Variants in KDM4C observed in about 807,000 individuals in gnomAD.
KDM4C encodes lysine demethylase 4C, also known as lysine-specific demethylase 4C.
In KDM4C, 81 loss-of-function variants were observed where a neutral mutation model predicts 129.3. That is an observed-to-expected ratio of 0.63 (90% CI 0.52 to 0.75). The LOEUF is 0.75. KDM4C is among the 30% of genes least tolerant of loss of function. The pLI, the probability that KDM4C is intolerant of heterozygous loss-of-function variation, is 0.00. For synonymous variants in KDM4C, 573 were observed against 456.1 expected, an observed-to-expected ratio of 1.26 and a Z score of -3.26; for missense variants, 1,457 against 1,304.0, an observed-to-expected ratio of 1.12 and a Z score of -1.81.
intron 17 of KDM4C, among the ~76,000 whole-genome samples, chr9:7,071,712 C>G (rs1833219101): frequency 6.6e-6 from 1 of 152,066 alleles, no homozygotes; most frequent in Non-Finnish European, 1.5e-5. Context: ...CACAAAAGCC[C>G]TATGAGATTT....
intron 3 of KDM4C, among the ~76,000 whole-genome samples, chr9:6,813,316 ACCATGCCCATC>A (rs1831504692): frequency 6.6e-6 from 1 of 152,202 alleles, no homozygotes; most frequent in Admixed American, 6.5e-5. Flanking sequence ...GATTATAGCC[ACCATGCCCATC>A]CCATGCCCAT....
At chr9:7,040,889 TTGC>T (rs1347417944) in intron 15 of KDM4C, among the ~76,000 whole-genome samples, 3 of 151,984 alleles carry the variant, frequency 2.0e-5, no homozygotes, top group Non-Finnish European at 4.4e-5. Context: ...TGTTTAGAGT[TTGC>T]TGCAATTTTT....
chr9:6,985,731 C>G (rs144702433), intron 10 of KDM4C, among the ~76,000 whole-genome samples: 29 of 152,244 alleles, frequency 1.9e-4, no homozygotes, highest in African/African-American at 6.7e-4. Context: ...CTCTCTGTCG[C>G]CCAGGCTGGA....
chr9:6,733,711 G>A (rs985554993), intron 1 of KDM4C, among the ~76,000 whole-genome samples: 1 of 152,214 alleles, frequency 6.6e-6, no homozygotes, highest in Admixed American at 6.5e-5. Context: ...AGTTTGTTAA[G>A]AAAGTAAAGG....
intron 5 of KDM4C, among the ~76,000 whole-genome samples, chr9:6,854,344 G>T (rs1208315061): frequency 6.6e-6 from 1 of 151,920 alleles, no homozygotes; most frequent in African/African-American, 2.4e-5. Context: ...GCCTCAACAT[G>T]AAGAAACCCC....
intron 17 of KDM4C, among the ~76,000 whole-genome samples, chr9:7,058,140 C>T (rs1831125973): frequency 6.6e-6 from 1 of 152,154 alleles, no homozygotes; most frequent in Non-Finnish European, 1.5e-5. Context: ...TCTTTCAAAG[C>T]ACAGGGGCCA....
At position 6,986,875 on chromosome 9, in the gene KDM4C, T is replaced by C. The variant is rs1817809301; in HGVS notation, c.1677+209T>C. Reference sequence around the variant, plus strand: ...GTGATAATTTAGCACATGGAGCTTATGGCCACGTGTCGATGCTTGATTTTC... The same window carrying C: ...GTGATAATTTAGCACATGGAGCTTACGGCCACGTGTCGATGCTTGATTTTC... On this transcript the variant is annotated intron_variant, in intron 11 of 21. Coordinates refer to ENST00000381309, the MANE Select transcript of KDM4C (RefSeq NM_015061.6). 5 of 474,796 alleles carry C rather than the reference T, an allele frequency of 1.1e-5. No individual in the cohort carries two copies. The Admixed American group carries it at 1.5e-4, about 14-fold the overall frequency. 29.4% of individuals were successfully genotyped at this position (474,796 alleles called of 1,614,324 possible). A position where few individuals can be genotyped will look rare whatever the true frequency, so the allele number is the denominator to read the frequency against.
At chr9:6,832,636 A>G (rs1387205012) in intron 4 of KDM4C, among the ~76,000 whole-genome samples, 2 of 150,940 alleles carry the variant, frequency 1.3e-5, no homozygotes, top group Non-Finnish European at 1.5e-5. Flanking sequence ...CATGTTAGCC[A>G]GGATGGTCTC....
At chr9:6,922,763 C>T (rs1372124146) in intron 8 of KDM4C, among the ~76,000 whole-genome samples, 3 of 152,182 alleles carry the variant, frequency 2.0e-5, no homozygotes, top group African/African-American at 7.2e-5. Context: ...GAGAAATAAA[C>T]AGCCTTCCAA....
chr9:6,973,956 A>G lies in KDM4C; in HGVS notation c.922-6969A>G, dbSNP rs146780984. ...GCATTGTGAAACCTGTGAGACAGCTAGTTCTGTATTCAGACCCTTCAATTA... is the reference window on the plus strand; with the variant it reads ...GCATTGTGAAACCTGTGAGACAGCTGGTTCTGTATTCAGACCCTTCAATTA... On this transcript the variant is annotated intron_variant, in intron 8 of 21. Coordinates refer to ENST00000381309, the MANE Select transcript of KDM4C (RefSeq NM_015061.6). The G allele has an allele frequency of 4.6e-5, 7 of 152,328 alleles. No individual in the cohort carries two copies. The East Asian group carries it at 1.2e-3, about 25-fold the overall frequency. The allele number at this position is 152,328 out of a possible 1,614,324, so 9.4% of individuals were successfully genotyped here. A position where few individuals can be genotyped will look rare whatever the true frequency, so the allele number is the denominator to read the frequency against.
At chr9:6,921,570 A>C (rs994018154) in intron 8 of KDM4C, among the ~76,000 whole-genome samples, 1 of 152,172 alleles carries the variant, frequency 6.6e-6, no homozygotes, top group Non-Finnish European at 1.5e-5. Context: ...TCCAACCACT[A>C]TAAGTCATTG....
chr9:7,041,508 C>G (rs1210970673), intron 15 of KDM4C, among the ~76,000 whole-genome samples: 1 of 151,452 alleles, frequency 6.6e-6, no homozygotes, highest in Non-Finnish European at 1.5e-5. Flanking sequence ...TGAATGAAAT[C>G]AACATTTTGT....
chr9:7,161,637 G>C (rs7037878), intron 19 of KDM4C, among the ~76,000 whole-genome samples: 80,835 of 151,980 alleles, frequency 0.53, 22,291 homozygotes, highest in Non-Finnish European at 0.6. Context: ...CAGGCCTCAC[G>C]TGTGGGTGCA....
intron 5 of KDM4C, among the ~76,000 whole-genome samples, chr9:6,872,298 A>T (rs972711050): frequency 1.3e-5 from 2 of 152,136 alleles, no homozygotes; most frequent in South Asian, 4.1e-4. Flanking sequence ...GAGGTGGTAG[A>T]GTGGTTAGGA....
At chr9:6,877,070 A>C (rs1056588437) in intron 5 of KDM4C, among the ~76,000 whole-genome samples, 2 of 152,164 alleles carry the variant, frequency 1.3e-5, no homozygotes, top group Non-Finnish European at 2.9e-5. Context: ...TATGCTGGGT[A>C]CTTCATCCCT....
intron 4 of KDM4C, among the ~76,000 whole-genome samples, chr9:6,848,593 T>TG (rs1838278760): frequency 6.6e-6 from 1 of 151,972 alleles, no homozygotes; most frequent in African/African-American, 2.4e-5. Flanking sequence ...TGCTCGAACC[T>TG]GGGAGGTAGA....
chr9:6,849,152 G>C (rs1176294204), intron 4 of KDM4C, among the ~76,000 whole-genome samples: 2 of 152,184 alleles, frequency 1.3e-5, no homozygotes, highest in Non-Finnish European at 2.9e-5. Context: ...AAAAAGGTGT[G>C]CCAAGGAGGG....
At chr9:7,028,357 G>A (rs562952907) in intron 15 of KDM4C, among the ~76,000 whole-genome samples, 4 of 151,906 alleles carry the variant, frequency 2.6e-5, no homozygotes, top group East Asian at 3.9e-4. Flanking sequence ...GTTCCCTTCC[G>A]GCCAAGGGTG....
At chr9:6,841,080 AATCTT>A (rs1836833277) in intron 4 of KDM4C, among the ~76,000 whole-genome samples, 1 of 152,174 alleles carries the variant, frequency 6.6e-6, no homozygotes, top group Non-Finnish European at 1.5e-5. Context: ...GAAACTTGAG[AATCTT>A]TAACAGGTTC....
Sources: allele counts gnomAD v4.1 joint callset (sites outside exome capture counted in the v4.1 genomes callset), GRCh38; gene constraint gnomAD v4.1.1; transcripts MANE v1.5; gene names NCBI Gene and HGNC (gene_info 2026-07-23, HGNC 2026-07-21).